The following PDE1A variants were observed in gnomAD, a reference collection of about 807,000 sequenced individuals.
PDE1A encodes phosphodiesterase 1A.
Under a neutral mutation model 61.7 loss-of-function variants are expected in PDE1A, and 35 were observed. That is an observed-to-expected ratio of 0.57 (90% CI 0.43 to 0.75). The LOEUF (loss-of-function observed/expected upper bound fraction) is 0.75, where lower values mean the gene tolerates loss of function less well. Ranked by LOEUF, PDE1A falls within the 30% of genes least tolerant of loss-of-function variation. PDE1A has a pLI of 0.00. For synonymous variants in PDE1A, 232 were observed against 213.2 expected (o/e 1.09, Z -0.77); for missense variants, 597 against 630.6 (o/e 0.95, Z 0.57).
At chr2:182,551,959 G>C in the PDE1A span, among the ~76,000 whole-genome samples, 1 of 152,138 alleles carries the variant, frequency 6.6e-6, no homozygotes, top group African/African-American at 2.4e-5. Flanking sequence ...AGAAGCTAGA[G>C]ATTACTCTGG....
chr2:182,566,176 C>A, the PDE1A span, among the ~76,000 whole-genome samples: 4 of 151,934 alleles, frequency 2.6e-5, no homozygotes, highest in African/African-American at 9.7e-5. Context: ...ACAAGCCTTC[C>A]TTCATGTGTC....
At chr2:182,176,728 T>C (rs1371954775) in intron 13 of PDE1A, among the ~76,000 whole-genome samples, 4 of 143,658 alleles carry the variant, frequency 2.8e-5, no homozygotes, top group African/African-American at 1.0e-4. Flanking sequence ...CTATGTTGAA[T>C]AGGAGTGGTG....
At position 182,380,246 on chromosome 2, in the gene PDE1A, G is replaced by A. The variant is rs188201217; in HGVS notation, c.53+46332C>T. ...CTGCCTCAGCCTCCCGAGTAGCTGC[G>A]ACTACAGGCTCCTGCCACCACGCCA... On this transcript the variant is annotated intron_variant, in intron 1 of 13. Coordinates refer to ENST00000351439, the Ensembl canonical transcript of PDE1A. 1.8e-4 allele frequency among the ~76,000 whole-genome samples: 28 copies of A among 151,810 alleles called. No individual in the cohort carries two copies. The East Asian group carries it at 5.1e-3, about 28-fold the overall frequency.
chr2:182,388,784 A>G lies in PDE1A; in HGVS notation c.53+37794T>C, dbSNP rs530759016. ...CAAGAACAAATTAAGCTTAAAGTAT[A>G]TGGAAGGAAGTAATATAGATCAGAA... On this transcript the variant is annotated intron_variant, in intron 1 of 13. Transcript: ENST00000351439. 3.9e-5 allele frequency among the ~76,000 whole-genome samples: 6 copies of G among 152,136 alleles called. No individual in the cohort carries two copies. The South Asian group carries it at 1.2e-3, about 32-fold the overall frequency.
intron 2 of PDE1A, among the ~76,000 whole-genome samples, chr2:182,472,942 A>ATT (rs770560215): frequency 1.4e-5 from 1 of 69,444 alleles, no homozygotes; most frequent in Non-Finnish European, 2.8e-5. Context: ...AATTTTATTA[A>ATT]TTTTTTTTTT....
At chr2:182,468,732 C>CAT (rs1686832548) in intron 2 of PDE1A, among the ~76,000 whole-genome samples, 1 of 151,934 alleles carries the variant, frequency 6.6e-6, no homozygotes, top group African/African-American at 2.4e-5. Context: ...CAACTATAGC[C>CAT]TCATGAAATG....
At chr2:182,364,951 C>T (rs926954191) in intron 1 of PDE1A, among the ~76,000 whole-genome samples, 7 of 151,954 alleles carry the variant, frequency 4.6e-5, no homozygotes, top group African/African-American at 1.7e-4. Context: ...CTGCTCTAAC[C>T]CTTATCTGGT....
At chr2:182,602,341 A>G in the PDE1A span, among the ~76,000 whole-genome samples, 1 of 152,240 alleles carries the variant, frequency 6.6e-6, no homozygotes, top group East Asian at 1.9e-4. Context: ...TGCAGCCAGC[A>G]TGATGACAGC....
At chr2:182,317,662 A>G (rs1274584486) in intron 1 of PDE1A, among the ~76,000 whole-genome samples, 1 of 152,064 alleles carries the variant, frequency 6.6e-6, no homozygotes, top group Non-Finnish European at 1.5e-5. Context: ...AAAGATAATG[A>G]ATGTGGACCA....
chr2:182,571,356 A>G, the PDE1A span, among the ~76,000 whole-genome samples: 2 of 152,204 alleles, frequency 1.3e-5, no homozygotes, highest in Non-Finnish European at 2.9e-5. Context: ...ATCATAGAAG[A>G]GATGATAGGA....
chr2:182,253,139 A>G (rs972279502), intron 2 of PDE1A, among the ~76,000 whole-genome samples: 5 of 152,154 alleles, frequency 3.3e-5, no homozygotes, highest in African/African-American at 1.2e-4. Context: ...AAACATTTGC[A>G]TTAGGATTTA....
chr2:182,569,260 T>TATATATATATATATATATATATATAC, the PDE1A span, among the ~76,000 whole-genome samples: 1 of 147,508 alleles, frequency 6.8e-6, no homozygotes, highest in South Asian at 2.1e-4. Flanking sequence ...CTCAAATATA[T>TATATATATATATATATATATATATAC]ATATATATAT....
chr2:182,319,618 A>T (rs914353088), intron 1 of PDE1A, among the ~76,000 whole-genome samples: 7 of 152,130 alleles, frequency 4.6e-5, no homozygotes, highest in Non-Finnish European at 1.0e-4. Context: ...CCCCAAACAT[A>T]TTTTCTGAGG....
At chr2:182,622,387 T>C in the PDE1A span, among the ~76,000 whole-genome samples, 1 of 152,212 alleles carries the variant, frequency 6.6e-6, no homozygotes, top group Non-Finnish European at 1.5e-5. Flanking sequence ...GCACCACTGC[T>C]CTGTCTCATT....
chr2:182,521,960 C>G (rs771758583), intron 2 of PDE1A, among the ~76,000 whole-genome samples: 7 of 152,002 alleles, frequency 4.6e-5, no homozygotes, highest in Non-Finnish European at 8.8e-5. Context: ...GGCAGTATCC[C>G]GGCAAATGGC....
intron 4 of PDE1A, among the ~76,000 whole-genome samples, chr2:182,232,915 C>G (rs989668002): frequency 6.6e-6 from 1 of 152,076 alleles, no homozygotes; most frequent in African/African-American, 2.4e-5. Context: ...ACTGCAGATG[C>G]TTGGCTTTTA....
intron 1 of PDE1A, among the ~76,000 whole-genome samples, chr2:182,417,524 C>G (rs1353556534): frequency 1.3e-5 from 2 of 152,142 alleles, no homozygotes; most frequent in African/African-American, 4.8e-5. Flanking sequence ...GGTAGTTTGT[C>G]TCTGTTCTAT....
chr2:182,281,108 GT>G (rs1379097262), intron 1 of PDE1A, among the ~76,000 whole-genome samples: 1 of 151,896 alleles, frequency 6.6e-6, no homozygotes, highest in African/African-American at 2.4e-5. Context: ...CATTTAGATA[GT>G]AGGAAGAATC....
intron 13 of PDE1A, chr2:182,168,364 T>A: frequency 7.5e-7 from 1 of 1,341,878 alleles, no homozygotes; most frequent in Non-Finnish European, 1.0e-6. Flanking sequence ...AAAAAAGTAA[T>A]TCTCATTTAT....
Sources: allele counts gnomAD v4.1 joint callset (sites outside exome capture counted in the v4.1 genomes callset), GRCh38; gene constraint gnomAD v4.1.1; transcripts MANE v1.5; gene names NCBI Gene and HGNC (gene_info 2026-07-23, HGNC 2026-07-21).